The following FBN2 variants were observed in gnomAD, a reference collection of about 807,000 sequenced individuals.
The protein encoded by FBN2 is fibrillin 2.
In FBN2, 105 loss-of-function variants were observed where a neutral mutation model predicts 355.6. That is an observed-to-expected ratio of 0.30 (90% CI 0.25 to 0.35). The LOEUF (loss-of-function observed/expected upper bound fraction) is 0.35. Among genes scored for constraint, FBN2 ranks in the 10% least tolerant of loss-of-function variants. FBN2 has a pLI of 1.00. For synonymous variants in FBN2, 1,350 were observed against 1,301.2 expected (o/e 1.04, Z -0.81); for missense variants, 3,280 against 3,758.7 (o/e 0.87, Z 3.33).
chr5:128,388,188 C>T (rs1170272538), intron 11 of FBN2, among the ~76,000 whole-genome samples: 1 of 152,096 alleles, frequency 6.6e-6, no homozygotes. Flanking sequence ...TTTCCATTTG[C>T]TTGGTAGCTT....
At chr5:128,441,186 A>T (rs1018192919) in intron 7 of FBN2, among the ~76,000 whole-genome samples, 1 of 152,212 alleles carries the variant, frequency 6.6e-6, no homozygotes, top group African/African-American at 2.4e-5. Flanking sequence ...CTCTACAGCC[A>T]GTGCCAGGAT....
At chr5:128,446,800 T>TA (rs1182612833) in intron 6 of FBN2, among the ~76,000 whole-genome samples, 194 bp from the exon 7 acceptor site, 1 of 152,196 alleles carries the variant, frequency 6.6e-6, no homozygotes, top group Non-Finnish European at 1.5e-5. Flanking sequence ...TTATATATCT[T>TA]AGTTTGTTTC....
At chr5:128,303,470 G>A (rs1749775536) in intron 45 of FBN2, among the ~76,000 whole-genome samples, 1 of 152,056 alleles carries the variant, frequency 6.6e-6, no homozygotes, top group Non-Finnish European at 1.5e-5. Context: ...CACTTACCCA[G>A]AAATTTAAAT....
chr5:128,353,499 T>C (rs1751422577), intron 20 of FBN2, among the ~76,000 whole-genome samples: 1 of 152,208 alleles, frequency 6.6e-6, no homozygotes, highest in Non-Finnish European at 1.5e-5. Flanking sequence ...AACTGCAGGC[T>C]TGTTATAGAT....
intron 7 of FBN2, among the ~76,000 whole-genome samples, chr5:128,424,944 T>C (rs1417174585): frequency 6.6e-6 from 1 of 152,064 alleles, no homozygotes; most frequent in African/African-American, 2.4e-5. Flanking sequence ...TGGTCTGCAT[T>C]CCAAAGCAAA....
chr5:128,469,530 C>CAAAA (rs34568723), intron 5 of FBN2, among the ~76,000 whole-genome samples: 18 of 125,628 alleles, frequency 1.4e-4, no homozygotes, highest in African/African-American at 5.4e-4. Flanking sequence ...GACTCCGTCT[C>CAAAA]AAAAAAAAAA....
chr5:128,368,279 G>T (rs1357774706), intron 16 of FBN2, among the ~76,000 whole-genome samples: 1 of 151,568 alleles, frequency 6.6e-6, no homozygotes, highest in African/African-American at 2.4e-5. Context: ...TTCAATACAG[G>T]TTTAGTTAAA....
At chr5:128,501,087 A>T (rs962048847) in intron 5 of FBN2, among the ~76,000 whole-genome samples, 5 of 152,354 alleles carry the variant, frequency 3.3e-5, no homozygotes, top group Admixed American at 2.0e-4. Flanking sequence ...CTGAGGAATG[A>T]TGAGACAAAT....
rs1012236587 is a variant in FBN2, at chr5:128,434,715, A to T, written c.952+11766T>A. Among the ~76,000 whole-genome samples, 11 of 151,964 alleles carry T rather than the reference A, an allele frequency of 7.2e-5. No individual in the cohort carries two copies. The East Asian group carries it at 1.7e-3, about 24-fold the overall frequency. ...CTTGCATTTTATTTTGGCCTGAATT[A>T]TTGTTTTTTCATTCTACTATGAAAT... On this transcript the variant is annotated intron_variant, in intron 7 of 64. Transcript: ENST00000262464.
At chr5:128,310,154 A>T (rs760175169) in intron 39 of FBN2, 46 bp from the exon 40 acceptor site, 9 of 1,500,642 alleles carry the variant, frequency 6.0e-6, no homozygotes, top group Non-Finnish European at 8.3e-6. Flanking sequence ...CTATTTTTTC[A>T]ATGAATTTAT....
chr5:128,356,432 G>A (rs1751505362), intron 20 of FBN2, among the ~76,000 whole-genome samples: 1 of 152,186 alleles, frequency 6.6e-6, no homozygotes. Context: ...ATTCATTTTG[G>A]CTAGATAATA....
chr5:128,400,590 T>C (rs1752771708), intron 8 of FBN2, among the ~76,000 whole-genome samples: 1 of 152,176 alleles, frequency 6.6e-6, no homozygotes, highest in South Asian at 2.1e-4. Context: ...ATAGGGAAGA[T>C]TTATAAAAAT....
intron 62 of FBN2, among the ~76,000 whole-genome samples, chr5:128,267,563 T>G (rs1765148201): frequency 6.6e-6 from 1 of 152,226 alleles, no homozygotes; most frequent in Non-Finnish European, 1.5e-5. Flanking sequence ...TGCATTTCTC[T>G]AATAATCAGT....
At chr5:128,322,069 G>C (rs193239083) in intron 34 of FBN2, among the ~76,000 whole-genome samples, 1 of 152,020 alleles carries the variant, frequency 6.6e-6, no homozygotes, top group Admixed American at 6.6e-5. Context: ...TTTCACGTTT[G>C]TTGGCCTCAT....
chr5:128,359,900 T>C (rs1450598893), intron 19 of FBN2, among the ~76,000 whole-genome samples: 1 of 152,110 alleles, frequency 6.6e-6, no homozygotes, highest in Non-Finnish European at 1.5e-5. Flanking sequence ...TAAATAATCA[T>C]TGATAATTCA....
intron 7 of FBN2, among the ~76,000 whole-genome samples, chr5:128,439,008 T>C (rs1269146179): frequency 6.6e-6 from 1 of 152,108 alleles, no homozygotes; most frequent in Non-Finnish European, 1.5e-5. Flanking sequence ...TTTATGAAAA[T>C]GTTTACAAAT....
chr5:128,417,291 C>A (rs1753231020), intron 7 of FBN2, among the ~76,000 whole-genome samples: 1 of 152,136 alleles, frequency 6.6e-6, no homozygotes, highest in African/African-American at 2.4e-5. Flanking sequence ...ATCATGTCAT[C>A]TACAAAGAGA....
chr5:128,304,948 C>G lies in FBN2; in HGVS notation c.5800+9G>C. 1 of 1,613,930 alleles carries G rather than the reference C, an allele frequency of 6.2e-7. No homozygotes were observed. The highest frequency in any genetic ancestry group is 8.5e-7 in the Non-Finnish European group (1 of 1,179,922). Reference sequence around the variant, plus strand: ...CACTTCACTCCCTGGAGCCACATGCCCTTCTTACCCATGCACATGGTCTGG... The same window carrying G: ...CACTTCACTCCCTGGAGCCACATGCGCTTCTTACCCATGCACATGGTCTGG... On this transcript the variant is annotated intron_variant, in intron 45 of 64. Transcript: ENST00000262464.
chr5:128,328,231 C>T (rs1034254255), intron 34 of FBN2: 5 of 284,268 alleles, frequency 1.8e-5, no homozygotes, highest in Non-Finnish European at 3.4e-5. Context: ...AAAAGTACAG[C>T]CCTTGCTGAA....
Sources: gnomAD v4.1 joint callset for allele counts (sites outside exome capture counted in the v4.1 genomes callset) on GRCh38, gnomAD v4.1.1 for gene constraint, MANE v1.5 for transcripts, NCBI Gene and HGNC (gene_info 2026-07-23, HGNC 2026-07-21) for gene names.